EGF: variants seen among roughly 807,000 people sequenced by gnomAD.
The protein encoded by EGF is pro-epidermal growth factor.
EGF carries 95 observed loss-of-function variants against 143.8 expected under a neutral mutation model. The observed-to-expected ratio is 0.66, with a 90% confidence interval of 0.56 to 0.78. The LOEUF is 0.78. Ranked by LOEUF, EGF falls within the 30% of genes least tolerant of loss-of-function variation. EGF has a pLI of 0.00. For missense variants in EGF, 1,320 were observed against 1,470.9 expected, an observed-to-expected ratio of 0.90 and a Z score of 1.68; for synonymous variants, 510 against 510.5, an observed-to-expected ratio of 1.00 and a Z score of 0.01.
chr4:109,974,695 T>C lies in EGF; in HGVS notation c.1725-8T>C. ...ATAACAAACTCCCTTATTTTGCACATATTTTAGGAAATCTCTGATTGGAAG... is the reference window on the plus strand; with the variant it reads ...ATAACAAACTCCCTTATTTTGCACACATTTTAGGAAATCTCTGATTGGAAG... On this transcript the variant is annotated splice_polypyrimidine_tract_variant and splice_region_variant and intron_variant, in intron 11 of 23. Transcript: ENST00000265171. The C allele has an allele frequency of 6.2e-7, 1 of 1,604,116 alleles. No individual in the cohort carries two copies.
intron 22 of EGF, among the ~76,000 whole-genome samples, chr4:110,007,408 A>C (rs1372744537): frequency 2.0e-5 from 3 of 152,156 alleles, no homozygotes; most frequent in African/African-American, 7.2e-5. Context: ...TCACCAAATG[A>C]TGTCCTTTGT....
rs376650173 is a variant in EGF at position 109,938,619 on chromosome 4, C to CT, written c.128-2322dup. Among the ~76,000 whole-genome samples, 910 of 152,284 alleles carry CT rather than the reference C, an allele frequency of 6.0e-3. 8 individuals carry two copies. Among genetic ancestry groups the CT allele is most frequent in the African/African-American group, 0.021 (864 of 41,552 alleles). The stretch of plus-strand genomic sequence containing the variant: ...CAATCTGGTTTTTGGAATTTTCAGC[C>CT]TTTTTGCTCTGGTTTCTTCCCATCT... On this transcript the variant is annotated intron_variant, in intron 1 of 23. Coordinates refer to ENST00000265171, the MANE Select transcript of EGF (RefSeq NM_001963.6).
In EGF at chr4:109,980,058, A is replaced by G. The variant is rs1749106273; in HGVS notation, c.2140A>G (p.Thr714Ala). ...MPSVMRVNKR[T>A]GKDRVRLQGS... Reference sequence around the variant, plus strand: ...ATCAGTAATGAGAGTAAACAAGAGGACTGGCAAAGATAGAGTACGTCTCCA... The same window carrying G: ...ATCAGTAATGAGAGTAAACAAGAGGGCTGGCAAAGATAGAGTACGTCTCCA... Residue 714 changes from threonine to alanine, a missense_variant, in exon 14 of 24, where the codon ACT becomes GCT. Around this residue, in one of 5 missense-constraint regions of EGF, gnomAD observed 1,186 missense variants for 1,313.7 expected, o/e 0.90. Coordinates refer to ENST00000265171, the MANE Select transcript of EGF (RefSeq NM_001963.6). 1.2e-6 allele frequency: 2 copies of G among 1,613,890 alleles called. No individual in the cohort carries two copies. The highest frequency in any genetic ancestry group is 2.2e-5 in the East Asian group (1 of 44,892).
intron 16 of EGF, among the ~76,000 whole-genome samples, chr4:109,987,389 A>G (rs1269426565): frequency 6.6e-6 from 1 of 151,692 alleles, no homozygotes; most frequent in Non-Finnish European, 1.5e-5. Flanking sequence ...CGGCCGCATC[A>G]ACCTCCTGAT....
chr4:109,955,892 T>C (rs1389333673), intron 5 of EGF, among the ~76,000 whole-genome samples: 1 of 152,110 alleles, frequency 6.6e-6, no homozygotes, highest in Non-Finnish European at 1.5e-5. Flanking sequence ...ATAATTGTGG[T>C]GGTGACAATG....
chr4:110,004,695 AC>A (rs1360189067), intron 22 of EGF, 73 bp downstream of exon 22: 1 of 1,196,930 alleles, frequency 8.4e-7, no homozygotes, highest in East Asian at 4.0e-5. Context: ...CTATTTTTTC[AC>A]TGAGTTCAGA....
chr4:109,935,735 C>T (rs753619901), intron 1 of EGF, among the ~76,000 whole-genome samples: 8 of 151,044 alleles, frequency 5.3e-5, no homozygotes, highest in Non-Finnish European at 7.4e-5. Flanking sequence ...TCCATCAATA[C>T]CAAGAGTTTT....
At chr4:110,007,755 C>T (rs561191282) in intron 22 of EGF, among the ~76,000 whole-genome samples, 16 of 151,950 alleles carry the variant, frequency 1.1e-4, no homozygotes, top group African/African-American at 2.2e-4. Context: ...TGTGTGTGTG[C>T]GTGTGTGTGT....
Position 109,963,287 on chromosome 4 carries a change from G to A in EGF, c.1427G>A (p.Cys476Tyr), listed in dbSNP as rs1746008577. The change falls in exon 9 of 24, where the codon TGT becomes TAT. Residue 476 changes from cysteine to tyrosine, a missense_variant. Around this residue, in one of 5 missense-constraint regions of EGF, gnomAD observed 1,186 missense variants for 1,313.7 expected, o/e 0.90. Transcript: ENST00000265171. The stretch of plus-strand genomic sequence containing the variant: ...GACCTACAACTGGATGAAAAAAGCT[G>A]TGCAGCTTCAGGTTAGTGCTGTGGT... ...GYDLQLDEKSCAASGPQPFLL... is the reference protein window; with the variant it reads ...GYDLQLDEKSYAASGPQPFLL... 3 of 1,613,874 alleles carry A rather than the reference G, an allele frequency of 1.9e-6. No homozygotes were observed. Among genetic ancestry groups the A allele is most frequent in the Non-Finnish European group, 2.5e-6 (3 of 1,179,914 alleles).
chr4:109,985,321 A>G (rs753170697), intron 16 of EGF, among the ~76,000 whole-genome samples: 34 of 152,256 alleles, frequency 2.2e-4, no homozygotes, highest in Non-Finnish European at 1.3e-4. Context: ...TTTCTGTTTC[A>G]GAGTGAGATT....
intron 1 of EGF, among the ~76,000 whole-genome samples, chr4:109,918,405 G>A (rs1344401228): frequency 5.9e-5 from 9 of 152,122 alleles, no homozygotes; most frequent in Admixed American, 5.9e-4. Context: ...TTCCTGAGGG[G>A]GACCTGGAGT....
At chr4:109,950,307 G>T (rs912886088) in intron 5 of EGF, among the ~76,000 whole-genome samples, 10 of 152,054 alleles carry the variant, frequency 6.6e-5, no homozygotes, top group Non-Finnish European at 1.5e-4. Flanking sequence ...CTCCCAAAGC[G>T]GAAACCGAGG....
At chr4:109,964,111 T>C (rs764846660) in intron 9 of EGF, among the ~76,000 whole-genome samples, 6 of 152,290 alleles carry the variant, frequency 3.9e-5, no homozygotes, top group Middle Eastern at 3.4e-3. Context: ...ACTTGCATCA[T>C]TTAGCTATGG....
intron 5 of EGF, among the ~76,000 whole-genome samples, chr4:109,952,228 T>C (rs920285931): frequency 6.6e-6 from 1 of 152,354 alleles, no homozygotes. Flanking sequence ...ATAGATATTA[T>C]GTTGTAAAAG....
chr4:109,967,753 C>G (rs1172960927), intron 10 of EGF, among the ~76,000 whole-genome samples: 2 of 152,130 alleles, frequency 1.3e-5, no homozygotes, highest in Non-Finnish European at 2.9e-5. Flanking sequence ...AATGAAATTA[C>G]AGTCATGCAT....
intron 20 of EGF, among the ~76,000 whole-genome samples, chr4:109,996,238 A>T (rs1751776912): frequency 6.6e-6 from 1 of 152,212 alleles, no homozygotes; most frequent in Non-Finnish European, 1.5e-5. Context: ...TTTGGATCTG[A>T]TAACATCCAT....
chr4:109,991,619 T>C (rs756850455), intron 18 of EGF, among the ~76,000 whole-genome samples: 1 of 152,180 alleles, frequency 6.6e-6, no homozygotes, highest in East Asian at 1.9e-4. Context: ...TGGTGGGTAG[T>C]TGGGAAAGAA....
intron 5 of EGF, among the ~76,000 whole-genome samples, chr4:109,948,248 A>G (rs938492934): frequency 6.6e-6 from 1 of 152,202 alleles, no homozygotes; most frequent in African/African-American, 2.4e-5. Flanking sequence ...TGACCAAAGG[A>G]TGCACTTCAC....
At chr4:110,005,257 G>C (rs1578407531) in intron 22 of EGF, among the ~76,000 whole-genome samples, 1 of 151,614 alleles carries the variant, frequency 6.6e-6, no homozygotes, top group South Asian at 2.1e-4. Context: ...TGTTTCCCAG[G>C]CTGGTCTCAA....
Sources: gnomAD v4.1 joint callset for allele counts (sites outside exome capture counted in the v4.1 genomes callset) on GRCh38, gnomAD v4.1.1 for gene constraint, gnomAD v4.1.1 regional missense constraint, MANE v1.5 for transcripts, NCBI Gene and HGNC (gene_info 2026-07-23, HGNC 2026-07-21) for gene names.